TRIP13: variants seen among roughly 807,000 people sequenced by gnomAD.
TRIP13 encodes the protein thyroid hormone receptor interactor 13, also known as pachytene checkpoint protein 2 homolog.
A neutral mutation model predicts 54.4 loss-of-function variants in TRIP13; 25 were observed. The observed-to-expected ratio is 0.46, with a 90% confidence interval of 0.33 to 0.64. The LOEUF is 0.64. TRIP13 is among the 30% of genes least tolerant of loss of function. TRIP13 has a pLI of 0.02. For missense variants in TRIP13, 373 were observed against 534.2 expected, an observed-to-expected ratio of 0.70 and a Z score of 2.97; for synonymous variants, 207 against 207.8, an observed-to-expected ratio of 1.00 and a Z score of 0.03.
At chr5:904,252 A>G (rs1357941020) in intron 6 of TRIP13, 32 bp downstream of exon 6, 2 of 1,552,198 alleles carry the variant, frequency 1.3e-6, no homozygotes, top group African/African-American at 1.4e-5. Flanking sequence ...GAGGAGAGCC[A>G]TGGGAATGGG....
chr5:895,365 A>G (rs1353235905), intron 2 of TRIP13, among the ~76,000 whole-genome samples: 2 of 152,166 alleles, frequency 1.3e-5, no homozygotes, highest in Non-Finnish European at 2.9e-5. Flanking sequence ...CATCCCATGC[A>G]TGGCCACCTC....
chr5:895,088 C>G (rs1262000562), intron 2 of TRIP13, 136 bp downstream of exon 2: 1 of 945,984 alleles, frequency 1.1e-6, no homozygotes, highest in Non-Finnish European at 1.5e-6. Flanking sequence ...TAGACAAGTT[C>G]TTTTCACTAG....
chr5:894,229 TG>T (rs1346047792), intron 1 of TRIP13, among the ~76,000 whole-genome samples: 1 of 152,044 alleles, frequency 6.6e-6, no homozygotes, highest in Non-Finnish European at 1.5e-5. Flanking sequence ...GCCAGTAAGC[TG>T]GGACAGTGCA....
chr5:906,171 G>T (rs1754111276), intron 6 of TRIP13, among the ~76,000 whole-genome samples: 1 of 152,126 alleles, frequency 6.6e-6, no homozygotes, highest in Admixed American at 6.5e-5. Flanking sequence ...TGGGTGACGG[G>T]AGTGAGACCC....
At chr5:894,516 A>G (rs941035810) in intron 1 of TRIP13, among the ~76,000 whole-genome samples, 2 of 152,174 alleles carry the variant, frequency 1.3e-5, no homozygotes, top group Non-Finnish European at 2.9e-5. Flanking sequence ...GAGTGTATTA[A>G]TGACTTCACA....
downstream of TRIP13, chr5:919,236 CT>C (rs1693265345): frequency 6.6e-6 from 1 of 152,222 alleles, no homozygotes; most frequent in Non-Finnish European, 1.5e-5. Context: ...GGAGGTCAGC[CT>C]TGTGGAGCCC....
rs1191503876 is a variant in TRIP13 at position 908,167 on chromosome 5, C to T, written c.759+93C>T. The stretch of plus-strand genomic sequence containing the variant: ...TCCTGATGCTCCTAGCTTTCCCCTC[C>T]TACAGCCGGGCTGCCCTCTATCCCT... On this transcript the variant is annotated intron_variant, in intron 8 of 12. Coordinates refer to ENST00000166345, the MANE Select transcript of TRIP13 (RefSeq NM_004237.4). This position sits in a 1 kb window ranked among gnomAD's most constrained non-coding sequence, Gnocchi z 5.2. 6.7e-7 allele frequency: 1 copy of T among 1,497,062 alleles called. No homozygotes were observed. The highest frequency in any genetic ancestry group is 2.3e-5 in the East Asian group (1 of 44,216). 92.7% of individuals were successfully genotyped at this position (1,497,062 alleles called of 1,614,324 possible). A position where few individuals can be genotyped will look rare whatever the true frequency, so the allele number is the denominator to read the frequency against.
chr5:918,910 A>C (rs927302288), downstream of TRIP13: 1 of 152,200 alleles, frequency 6.6e-6, no homozygotes, highest in Non-Finnish European at 1.5e-5. This position sits in a 1 kb window ranked among gnomAD's most constrained non-coding sequence, Gnocchi z 4.3. Flanking sequence ...TTACCAGCCC[A>C]GTGACTCAAA....
In TRIP13 at chr5:911,299, C is replaced by T. The variant is rs1318072391; in HGVS notation, c.867-544C>T. Reference sequence around the variant, plus strand: ...AGTGAGATCCTTGCTAGGCCGGGCGCGGTGGCTTACGCCTGTAATCCCAGC... The same window carrying T: ...AGTGAGATCCTTGCTAGGCCGGGCGTGGTGGCTTACGCCTGTAATCCCAGC... On this transcript the variant is annotated intron_variant, in intron 9 of 12. Coordinates refer to ENST00000166345, the MANE Select transcript of TRIP13 (RefSeq NM_004237.4). The surrounding 1 kb of genome is among the most constrained non-coding windows in gnomAD (Gnocchi z 4.7). Among the ~76,000 whole-genome samples the T allele has an allele frequency of 1.3e-5, 2 of 152,138 alleles. No individual in the cohort carries two copies. Among genetic ancestry groups the T allele is most frequent in the Admixed American group, 1.3e-4 (2 of 15,290 alleles).
chr5:910,666 G>A (rs1266617642), intron 9 of TRIP13, among the ~76,000 whole-genome samples: 3 of 152,240 alleles, frequency 2.0e-5, no homozygotes, highest in East Asian at 3.9e-4. Flanking sequence ...TCATTCCCTC[G>A]TGCTTCTGGT....
At position 917,192 on chromosome 5, in the gene TRIP13, C is replaced by A. The variant is rs991324924; in HGVS notation, c.*89C>A. 1 of 1,316,660 alleles carries A rather than the reference C, an allele frequency of 7.6e-7. No individual in the cohort carries two copies. The highest frequency in any genetic ancestry group is 1.5e-5 in the African/African-American group (1 of 68,292). 81.6% of individuals were successfully genotyped at this position (1,316,660 alleles called of 1,614,324 possible). A position where few individuals can be genotyped will look rare whatever the true frequency, so the allele number is the denominator to read the frequency against. ...CCACACAGCCGTCTCCCAGGGAATC[C>A]CTTCTGCAAACCAAACGTTACTTAG... On this transcript the variant is annotated 3_prime_UTR_variant, in exon 13 of 13. Coordinates refer to ENST00000166345, the MANE Select transcript of TRIP13 (RefSeq NM_004237.4).
At chr5:896,350 A>G (rs929994659) in intron 2 of TRIP13, among the ~76,000 whole-genome samples, 5 of 152,206 alleles carry the variant, frequency 3.3e-5, no homozygotes, top group African/African-American at 9.6e-5. Context: ...AAAAAACCTT[A>G]TATGATAAAA....
chr5:894,137 C>G (rs771784351), intron 1 of TRIP13, among the ~76,000 whole-genome samples: 1 of 152,170 alleles, frequency 6.6e-6, no homozygotes, highest in African/African-American at 2.4e-5. Flanking sequence ...TGTCACCTGC[C>G]TGGCTCTGAG....
rs542622325 is a variant in TRIP13 at position 913,976 on chromosome 5, G to A, written c.1021-489G>A. Reference sequence around the variant, plus strand: ...CTCTGAGGGGAACTTCTGGTGCTCAGCTCCTCGGTCAGTCAGACACTGTCA... The same window carrying A: ...CTCTGAGGGGAACTTCTGGTGCTCAACTCCTCGGTCAGTCAGACACTGTCA... On this transcript the variant is annotated intron_variant, in intron 10 of 12. Transcript: ENST00000166345. The surrounding 1 kb of genome is among the most constrained non-coding windows in gnomAD (Gnocchi z 4.5). 2.5e-4 allele frequency among the ~76,000 whole-genome samples: 38 copies of A among 152,122 alleles called. No homozygotes were observed. The highest frequency in any genetic ancestry group is 9.2e-4 in the African/African-American group (38 of 41,406).
chr5:896,872 G>T lies in TRIP13; in HGVS notation c.388+78G>T, dbSNP rs1046504351. The T allele has an allele frequency of 1.3e-5, 19 of 1,461,588 alleles. No homozygotes were observed. In the Admixed American group the frequency reaches 3.7e-4, roughly 29 times the overall value. The allele number at this position is 1,461,588 out of a possible 1,614,324, so 90.5% of individuals were successfully genotyped here. A position where few individuals can be genotyped will look rare whatever the true frequency, so the allele number is the denominator to read the frequency against. On this transcript the variant is annotated intron_variant, in intron 3 of 12. Coordinates refer to ENST00000166345, the MANE Select transcript of TRIP13 (RefSeq NM_004237.4). ...CTCCATGCCATGTCAGTTCACAGGGGGGGTTCTGTTTGTCCATTTGTTTTG... is the reference window on the plus strand; with the variant it reads ...CTCCATGCCATGTCAGTTCACAGGGTGGGTTCTGTTTGTCCATTTGTTTTG...
rs1754165621 is a variant in TRIP13 at position 908,553 on chromosome 5, G to T, written c.866+92G>T. The T allele has an allele frequency of 1.9e-6, 3 of 1,561,654 alleles. No homozygotes were observed. The highest frequency in any genetic ancestry group is 1.8e-5 in the Admixed American group (1 of 56,136). On this transcript the variant is annotated intron_variant, in intron 9 of 12. Coordinates refer to ENST00000166345, the MANE Select transcript of TRIP13 (RefSeq NM_004237.4). This position sits in a 1 kb window ranked among gnomAD's most constrained non-coding sequence, Gnocchi z 5.2. ...TACTTGTGCAACCCTAGATCTTAGT[G>T]CCCAGCTCTTTCACCGGAAAGTGCA...
rs1460495807 is a variant in TRIP13 at position 907,405 on chromosome 5, AGGACAATCGAT to A, written c.672+217_672+227del. Among the ~76,000 whole-genome samples, 1 of 152,234 alleles carries A rather than the reference AGGACAATCGAT, an allele frequency of 6.6e-6. No homozygotes were observed. Among genetic ancestry groups the A allele is most frequent in the Non-Finnish European group, 1.5e-5 (1 of 68,038 alleles). On this transcript the variant is annotated intron_variant, in intron 7 of 12. Coordinates refer to ENST00000166345, the MANE Select transcript of TRIP13 (RefSeq NM_004237.4). This position sits in a 1 kb window ranked among gnomAD's most constrained non-coding sequence, Gnocchi z 4.1. ...CCCCAGACCTGTGACTGGGTGGGAC[AGGACAATCGAT>A]GGACTCTCAGAAGGGCAGGGCTGGC...
chr5:905,676 A>G (rs1754100626), intron 6 of TRIP13, among the ~76,000 whole-genome samples: 1 of 152,182 alleles, frequency 6.6e-6, no homozygotes, highest in Non-Finnish European at 1.5e-5. Context: ...ACCAGATGTC[A>G]TTTCATCCAT....
chr5:906,756 G>C (rs1029013366), intron 6 of TRIP13, among the ~76,000 whole-genome samples: 4 of 152,150 alleles, frequency 2.6e-5, no homozygotes, highest in Admixed American at 6.5e-5. Flanking sequence ...TGCTGTTTAG[G>C]GTTCTGTGGA....
Sources: allele counts gnomAD v4.1 joint callset (sites outside exome capture counted in the v4.1 genomes callset), GRCh38; gene constraint gnomAD v4.1.1; non-coding constraint Gnocchi (gnomAD v3.1); transcripts MANE v1.5; gene names NCBI Gene and HGNC (gene_info 2026-07-23, HGNC 2026-07-21).